The following GABRB3 variants were observed in gnomAD, a reference collection of about 807,000 sequenced individuals.
GABRB3 encodes the protein gamma-aminobutyric acid receptor subunit beta-3.
Under a neutral mutation model 52.1 loss-of-function variants are expected in GABRB3, and 14 were observed. The observed-to-expected ratio is 0.27, with a 90% CI of 0.18 to 0.42. The LOEUF (loss-of-function observed/expected upper bound fraction) is 0.42. Ranked by LOEUF, GABRB3 falls within the 10% of genes least tolerant of loss-of-function variation. The probability of loss-of-function intolerance (pLI) is 1.00; values close to 1 mark genes in which losing one functional copy is unlikely to be tolerated. For missense variants in GABRB3, 307 were observed against 609.1 expected (o/e 0.50, Z 5.22); for synonymous variants, 260 against 232.3 (o/e 1.12, Z -1.08).
rs929512517 is a variant in GABRB3, at chr15:26,670,909, A to AT, written c.241-49376dup. Among the ~76,000 whole-genome samples the AT allele has an allele frequency of 2.0e-3, 311 of 152,062 alleles. 2 individuals are homozygous for AT. Among genetic ancestry groups the AT allele is most frequent in the African/African-American group, 6.9e-3 (287 of 41,470 alleles). ...TTTTAAATAGTTTTATTTTATTTTTATTTTTTTCAGAGAAACGTCGCTCAG... is the reference window on the plus strand; with the variant it reads ...TTTTAAATAGTTTTATTTTATTTTTATTTTTTTTCAGAGAAACGTCGCTCAG... On this transcript the variant is annotated intron_variant, in intron 3 of 8. Coordinates refer to ENST00000311550, the MANE Select transcript of GABRB3 (RefSeq NM_000814.6).
chr15:26,656,333 T>C (rs1887372277), intron 3 of GABRB3, among the ~76,000 whole-genome samples: 2 of 152,140 alleles, frequency 1.3e-5, no homozygotes, highest in African/African-American at 2.4e-5. Context: ...ACTTCATAAA[T>C]AGCAAATGTT....
chr15:26,633,281 A>G (rs1892957859), intron 3 of GABRB3, among the ~76,000 whole-genome samples: 2 of 152,214 alleles, frequency 1.3e-5, no homozygotes, highest in African/African-American at 4.8e-5. Flanking sequence ...AATTTATAAA[A>G]GAGCTACAGT....
rs577677299 is a variant in GABRB3, at chr15:26,586,661, C to T, written c.462-3247G>A. On this transcript the variant is annotated intron_variant, in intron 4 of 8. Coordinates refer to ENST00000311550, the MANE Select transcript of GABRB3 (RefSeq NM_000814.6). Reference sequence around the variant, plus strand: ...TGGGGCCACTGCACTCCAGCCTGGGCGACAAAGTGAGTAAGACTCCATCTC... The same window carrying T: ...TGGGGCCACTGCACTCCAGCCTGGGTGACAAAGTGAGTAAGACTCCATCTC... 9.1e-5 allele frequency among the ~76,000 whole-genome samples: 10 copies of T among 110,252 alleles called. No individual in the cohort carries two copies. In the South Asian group the frequency reaches 1.5e-3, roughly 16 times the overall value. 72.3% of individuals were successfully genotyped at this position (110,252 alleles called of 152,430 possible).
At chr15:26,734,250 T>G (rs577791885) in intron 3 of GABRB3, among the ~76,000 whole-genome samples, 5 of 151,966 alleles carry the variant, frequency 3.3e-5, no homozygotes, top group South Asian at 2.1e-4. Flanking sequence ...AGGCTGGTCT[T>G]GAACTCCCGA....
At chr15:26,618,425 C>T (rs948411321) in intron 4 of GABRB3, among the ~76,000 whole-genome samples, 1 of 152,074 alleles carries the variant, frequency 6.6e-6, no homozygotes, top group African/African-American at 2.4e-5. Flanking sequence ...AAAGGATTCC[C>T]TATTTCATAA....
chr15:26,569,782 T>C (rs1890325512), intron 6 of GABRB3, among the ~76,000 whole-genome samples: 1 of 152,246 alleles, frequency 6.6e-6, no homozygotes, highest in Non-Finnish European at 1.5e-5. Context: ...ACCTTGCAAA[T>C]ATGACATTAT....
intron 4 of GABRB3, among the ~76,000 whole-genome samples, chr15:26,611,525 T>C (rs1250170038): frequency 6.6e-6 from 1 of 152,202 alleles, no homozygotes; most frequent in Non-Finnish European, 1.5e-5. Flanking sequence ...AACTTTTGTC[T>C]AATTCAGATT....
chr15:26,561,013 TC>T lies in GABRB3; in HGVS notation c.998del (p.Gly333GlufsTer37), dbSNP rs770748543. On this transcript the variant is annotated frameshift_variant, in exon 8 of 9. Transcript: ENST00000311550. LOFTEE classifies it high-confidence loss of function. ...GCTTCTTCTGCCTTTGAGGGCCTCT[TC>T]CAAAGAAAATGTAGTTGACAAAGGC... ...EYAFVNYIFF[G>X]RGPQRQKKLA... 6.2e-7 allele frequency: 1 copy of T among 1,614,110 alleles called. No homozygotes were observed. The highest frequency in any genetic ancestry group is 8.5e-7 in the Non-Finnish European group (1 of 1,180,026).
intron 4 of GABRB3, among the ~76,000 whole-genome samples, chr15:26,617,136 G>A (rs1035401208): frequency 1.6e-4 from 24 of 152,162 alleles, no homozygotes; most frequent in African/African-American, 5.3e-4. Flanking sequence ...ATTCACAGCC[G>A]AATTCTACCA....
At chr15:26,772,608 C>A in intron 2 of GABRB3, 73 bp downstream of exon 2, 2 of 1,448,522 alleles carry the variant, frequency 1.4e-6, no homozygotes, top group Non-Finnish European at 1.9e-6. Flanking sequence ...GGATGCGGCC[C>A]CCGCCTCCCT....
At chr15:26,710,541 T>C (rs1211175336) in intron 3 of GABRB3, among the ~76,000 whole-genome samples, 1 of 152,196 alleles carries the variant, frequency 6.6e-6, no homozygotes, top group Non-Finnish European at 1.5e-5. Flanking sequence ...GGATGGCCTA[T>C]ATTTTCATTT....
chr15:26,607,371 G>C (rs1034889184), intron 4 of GABRB3, among the ~76,000 whole-genome samples: 3 of 152,030 alleles, frequency 2.0e-5, no homozygotes, highest in Non-Finnish European at 4.4e-5. Context: ...AGAAATTCTA[G>C]AGTAACCTGA....
Position 26,629,160 on chromosome 15 carries a change from G to A in GABRB3, c.241-7626C>T, listed in dbSNP as rs138170465. 5 of 1,500,888 alleles carry A rather than the reference G, an allele frequency of 3.3e-6. No homozygotes were observed. The Admixed American group carries it at 1.0e-4, about 31-fold the overall frequency. 93.0% of individuals were successfully genotyped at this position (1,500,888 alleles called of 1,614,324 possible). A position where few individuals can be genotyped will look rare whatever the true frequency, so the allele number is the denominator to read the frequency against. On this transcript the variant is annotated intron_variant, in intron 3 of 8. Transcript: ENST00000311550. ...TCGGGGAGGCGCAGGGGCGGAGTGT[G>A]GGGAGAAGCAGCTCCCGGGAGACGG...
intron 4 of GABRB3, among the ~76,000 whole-genome samples, chr15:26,592,056 T>C (rs1595465971): frequency 6.6e-6 from 1 of 152,098 alleles, no homozygotes. Context: ...TGGATGAATG[T>C]AGTTGGGGGG....
intron 3 of GABRB3, among the ~76,000 whole-genome samples, chr15:26,753,665 A>T (rs1890578249): frequency 6.6e-6 from 1 of 152,196 alleles, no homozygotes; most frequent in Non-Finnish European, 1.5e-5. Flanking sequence ...TTAAATACAG[A>T]TACTTTCTAT....
At chr15:26,720,433 G>A (rs776161594) in intron 3 of GABRB3, among the ~76,000 whole-genome samples, 6 of 152,136 alleles carry the variant, frequency 3.9e-5, no homozygotes, top group Non-Finnish European at 5.9e-5. Flanking sequence ...AGAACTTAGT[G>A]TCTGAAATAT....
chr15:26,770,745 A>AT (rs1891122301), intron 3 of GABRB3, among the ~76,000 whole-genome samples: 1 of 152,240 alleles, frequency 6.6e-6, no homozygotes, highest in African/African-American at 2.4e-5. Context: ...TCTGTACTAA[A>AT]TTGTCTTCTC....
intron 3 of GABRB3, among the ~76,000 whole-genome samples, chr15:26,694,968 C>T (rs1888691911): frequency 6.6e-6 from 1 of 152,030 alleles, no homozygotes; most frequent in South Asian, 2.1e-4. Context: ...GGGAAAGAAT[C>T]AGCGAGCTCA....
intron 3 of GABRB3, among the ~76,000 whole-genome samples, chr15:26,745,273 T>C (rs2140164969): frequency 6.6e-6 from 1 of 152,272 alleles, no homozygotes; most frequent in East Asian, 1.9e-4. Context: ...ACTATTTCAA[T>C]AGGTTTTCAG....
Sources: gnomAD v4.1 joint callset for allele counts (sites outside exome capture counted in the v4.1 genomes callset) on GRCh38, gnomAD v4.1.1 for gene constraint, MANE v1.5 for transcripts, NCBI Gene and HGNC (gene_info 2026-07-23, HGNC 2026-07-21) for gene names.